SAXO1: variants seen among roughly 807,000 people sequenced by gnomAD.
The protein encoded by SAXO1 is 4930500O09Rik.
Under a neutral mutation model 17.5 loss-of-function variants are expected in SAXO1, and 21 were observed. That is an observed-to-expected ratio of 1.20 (90% CI 0.85 to 1.72). The LOEUF is 1.72. Among genes scored for constraint, SAXO1 ranks in the 40% most tolerant of loss-of-function variants. The pLI, the probability that SAXO1 is intolerant of heterozygous loss-of-function variation, is 0.00. For synonymous variants in SAXO1, 274 were observed against 216.5 expected (o/e 1.27, Z -2.33); for missense variants, 843 against 596.0 (o/e 1.41, Z -4.32).
At chr9:18,931,686 T>G (rs1033691220) in intron 3 of SAXO1, among the ~76,000 whole-genome samples, 1 of 152,254 alleles carries the variant, frequency 6.6e-6, no homozygotes, top group South Asian at 2.1e-4. Flanking sequence ...ATATTTGTTA[T>G]CATCTGTGTT....
At chr9:18,967,711 C>A (rs892568413) in intron 1 of SAXO1, among the ~76,000 whole-genome samples, 3 of 152,106 alleles carry the variant, frequency 2.0e-5, no homozygotes, top group Non-Finnish European at 4.4e-5. Context: ...TGAGCAAGAC[C>A]ATTCGGCTCC....
intron 1 of SAXO1, among the ~76,000 whole-genome samples, chr9:18,968,471 T>C (rs1832815109): frequency 6.6e-6 from 1 of 152,354 alleles, no homozygotes; most frequent in Middle Eastern, 3.4e-3. Context: ...AAGTTTGTTA[T>C]ACACTTGAAG....
chr9:19,024,288 GCCTGTGCT>G (rs1016178417), intron 1 of SAXO1, among the ~76,000 whole-genome samples: 4 of 151,840 alleles, frequency 2.6e-5, no homozygotes, highest in South Asian at 2.1e-4. Context: ...TTCCTCCAGG[GCCTGTGCT>G]CCTCTCCCGC....
intron 1 of SAXO1, among the ~76,000 whole-genome samples, chr9:19,017,396 A>C (rs556867155): frequency 6.6e-6 from 1 of 152,316 alleles, no homozygotes; most frequent in East Asian, 1.9e-4. Flanking sequence ...AAAGATGAAA[A>C]AATATTTTTT....
Position 19,000,148 on chromosome 9 carries a change from T to C in SAXO1, c.38+32723A>G, listed in dbSNP as rs563823884. ...TCCGGCTGTCCCACTGTCTGGGAAG[T>C]GAGGAGCACCTCTGCCTGGCCGCCA... On this transcript the variant is annotated intron_variant, in intron 1 of 3. Coordinates refer to ENST00000380534, the MANE Select transcript of SAXO1 (RefSeq NM_153707.4). Among the ~76,000 whole-genome samples the C allele has an allele frequency of 1.4e-4, 21 of 151,520 alleles. No homozygotes were observed. In the South Asian group the frequency reaches 4.4e-3, roughly 32 times the overall value.
At chr9:18,987,003 C>T (rs1482411017) in intron 1 of SAXO1, among the ~76,000 whole-genome samples, 1 of 152,170 alleles carries the variant, frequency 6.6e-6, no homozygotes, top group African/African-American at 2.4e-5. Flanking sequence ...TTAATAGATA[C>T]AACACAATTC....
chr9:18,961,928 T>C (rs1832502462), intron 1 of SAXO1, among the ~76,000 whole-genome samples: 1 of 152,228 alleles, frequency 6.6e-6, no homozygotes, highest in African/African-American at 2.4e-5. Flanking sequence ...TCTTCCACAA[T>C]GGTTGAACTA....
At chr9:18,971,897 C>T (rs1046183969) in intron 1 of SAXO1, among the ~76,000 whole-genome samples, 14 of 151,116 alleles carry the variant, frequency 9.3e-5, no homozygotes, top group Non-Finnish European at 1.8e-4. Flanking sequence ...TAAAGGTAAC[C>T]CACTCTCACC....
chr9:18,960,347 G>C (rs1001899124), intron 1 of SAXO1, among the ~76,000 whole-genome samples: 1 of 152,110 alleles, frequency 6.6e-6, no homozygotes, highest in Non-Finnish European at 1.5e-5. Flanking sequence ...TACCACTCTG[G>C]AATGTTCTAT....
intron 1 of SAXO1, among the ~76,000 whole-genome samples, chr9:19,001,920 C>T (rs1251157513): frequency 1.3e-5 from 2 of 151,830 alleles, no homozygotes; most frequent in Non-Finnish European, 2.9e-5. Flanking sequence ...GAGATAGAGA[C>T]ACAAAAAACC....
At chr9:19,004,666 T>C (rs1370356052) in intron 1 of SAXO1, among the ~76,000 whole-genome samples, 3 of 151,708 alleles carry the variant, frequency 2.0e-5, no homozygotes, top group Admixed American at 6.6e-5. Context: ...AGTTGAACAA[T>C]GAGAACACTT....
chr9:19,040,009 G>T (rs1303519921), intron 1 of SAXO1, among the ~76,000 whole-genome samples: 1 of 152,186 alleles, frequency 6.6e-6, no homozygotes, highest in East Asian at 1.9e-4. Flanking sequence ...GATTACAGGT[G>T]TGAGCCACTG....
chr9:19,014,496 A>C (rs1454313989), intron 1 of SAXO1, among the ~76,000 whole-genome samples: 1 of 149,988 alleles, frequency 6.7e-6, no homozygotes, highest in Non-Finnish European at 1.5e-5. Context: ...ATTAAATTTT[A>C]AAAATTTAAA....
At chr9:18,954,094 C>G (rs1832145137) in intron 1 of SAXO1, among the ~76,000 whole-genome samples, 1 of 152,130 alleles carries the variant, frequency 6.6e-6, no homozygotes, top group South Asian at 2.1e-4. Flanking sequence ...CAGATGGATC[C>G]ATAGGCCGGG....
At chr9:18,939,989 G>A (rs938026331) in intron 3 of SAXO1, among the ~76,000 whole-genome samples, 1 of 152,162 alleles carries the variant, frequency 6.6e-6, no homozygotes. Context: ...TAGACATGGG[G>A]AAAACAGGAT....
At chr9:19,033,303 AGAGCCGC>A (rs1379511455), upstream of SAXO1, 2 of 196,690 alleles carry the variant, frequency 1.0e-5, no homozygotes, top group Non-Finnish European at 2.0e-5. Context: ...TTACATCACA[AGAGCCGC>A]TTGTGAGGTC....
At chr9:18,946,563 C>T (rs1831807135) in intron 2 of SAXO1, among the ~76,000 whole-genome samples, 2 of 151,642 alleles carry the variant, frequency 1.3e-5, no homozygotes, top group East Asian at 3.9e-4. Flanking sequence ...TAGAGGAATG[C>T]AAACAAACAT....
rs746968910 is a variant in SAXO1 at position 18,928,180 on chromosome 9, C to T, written c.1297G>A (p.Glu433Lys). The change falls in exon 4 of 4, where the codon GAG (glutamate) becomes AAG (lysine). Residue 433 changes from glutamate (E) to lysine (K), a missense_variant. Transcript: ENST00000380534. ...CTGTGACCCAAAGCATCCACTTCCT[C>T]AAAGGTGTAGCCAGGAGGCTCAGGA... is the stretch of plus-strand genomic sequence containing the variant. Reference protein sequence around the residue: ...SYPEPPGYTFEEVDALGHRIY... With the variant: ...SYPEPPGYTFKEVDALGHRIY... 6 of 1,614,198 alleles carry T rather than the reference C, an allele frequency of 3.7e-6. No individual in the cohort carries two copies. The East Asian group carries it at 1.3e-4, about 36-fold the overall frequency.
intron 1 of SAXO1, among the ~76,000 whole-genome samples, chr9:18,968,175 T>A (rs1832803250): frequency 6.6e-6 from 1 of 152,228 alleles, no homozygotes. Flanking sequence ...AGCTGCAGAC[T>A]GGAGCTGCTT....
Sources: gnomAD v4.1 joint callset for allele counts (sites outside exome capture counted in the v4.1 genomes callset) on GRCh38, gnomAD v4.1.1 for gene constraint, MANE v1.5 for transcripts, NCBI Gene and HGNC (gene_info 2026-07-23, HGNC 2026-07-21) for gene names.